SHE: variants seen among roughly 807,000 people sequenced by gnomAD.
SHE encodes SH2 domain-containing adapter protein E.
SHE carries 11 observed loss-of-function variants against 49.8 expected under a neutral mutation model. The observed-to-expected ratio is 0.22, with a 90% CI of 0.14 to 0.37. The LOEUF is 0.37. Among genes scored for constraint, SHE ranks in the 10% least tolerant of loss-of-function variants. SHE has a pLI of 1.00. For synonymous variants in SHE, 310 were observed against 278.1 expected (o/e 1.11, Z -1.14); for missense variants, 624 against 655.5 (o/e 0.95, Z 0.52).
At chr1:154,487,271 A>C in intron 3 of SHE, among the ~76,000 whole-genome samples, 1 of 95,506 alleles carries the variant, frequency 1.0e-5, no homozygotes, top group South Asian at 3.7e-4. Flanking sequence ...ACTCCGTCTC[A>C]AAAAAAAAAA....
At chr1:154,499,349 T>G in intron 1 of SHE, 111 bp from the exon 2 acceptor site, 1 of 1,237,634 alleles carries the variant, frequency 8.1e-7, no homozygotes, top group Non-Finnish European at 1.1e-6. Context: ...TCAAAATCTC[T>G]ATAACCAGTT....
chr1:154,472,005 T>G (rs558641964), intron 1 of SHE, among the ~76,000 whole-genome samples: 1 of 152,192 alleles, frequency 6.6e-6, no homozygotes, highest in African/African-American at 2.4e-5. Context: ...AAACCCCATC[T>G]CTACTCAAAA....
Position 154,481,888 on chromosome 1 carries a change from C to CTCA in SHE, c.*2260_*2261insTGA. ...TTGTTGAGACAGGGTCTCACTCTGTCACTCAGGCTGGAGTGCAATGGTGCG... is the reference window on the plus strand; with the variant it reads ...TTGTTGAGACAGGGTCTCACTCTGTCTCAACTCAGGCTGGAGTGCAATGGTGCG... On this transcript the variant is annotated 3_prime_UTR_variant, in exon 6 of 6. Coordinates refer to ENST00000304760, the MANE Select transcript of SHE (RefSeq NM_001010846.3). 1.3e-6 allele frequency: 1 copy of CTCA among 781,284 alleles called. No individual in the cohort carries two copies. Among genetic ancestry groups the CTCA allele is most frequent in the Non-Finnish European group, 1.6e-6 (1 of 643,892 alleles). 48.4% of individuals were successfully genotyped at this position (781,284 alleles called of 1,614,324 possible).
intron 2 of SHE, among the ~76,000 whole-genome samples, chr1:154,496,763 CA>C (rs892199923): frequency 1.4e-4 from 21 of 148,178 alleles, no homozygotes; most frequent in African/African-American, 4.2e-4. Flanking sequence ...AAAAAAAAAA[CA>C]AAAAAACCCC....
chr1:154,501,933 C>A lies in SHE; in HGVS notation c.94G>T (p.Gly32Cys), dbSNP rs1692788160. The A allele has an allele frequency of 6.7e-7, 1 of 1,486,356 alleles. No individual in the cohort carries two copies. Among genetic ancestry groups the A allele is most frequent in the East Asian group, 2.6e-5 (1 of 38,410 alleles). The allele number at this position is 1,486,356 out of a possible 1,614,324, so 92.1% of individuals were successfully genotyped here. ...STAPTLLGRAGRGPLMAAKWF... is the reference protein window; with the variant it reads ...STAPTLLGRACRGPLMAAKWF... ...TTGGCCGCCATGAGGGGGCCCCGGC[C>A]GGCTCGGCCCAGGAGCGTCGGGGCC... Residue 32 changes from glycine (G) to cysteine (C), a missense_variant, in exon 1 of 6, where the codon GGC becomes TGC. Gly to Cys is a radical substitution (Grantham distance 159). This residue lies in a region of SHE where 337 missense variants were observed against 306.0 expected (regional missense o/e 1.10). Transcript: ENST00000304760.
Position 154,487,486 on chromosome 1 carries a change from G to A in SHE, c.1025-803C>T, listed in dbSNP as rs1449362246. On this transcript the variant is annotated intron_variant, in intron 3 of 5. Transcript: ENST00000304760. The stretch of plus-strand genomic sequence containing the variant: ...GAGATGCCATGACACCTAGGCTGGA[G>A]AGAAGGAGATGAAATGGCAGCACCT... 2.0e-5 allele frequency among the ~76,000 whole-genome samples: 3 copies of A among 152,016 alleles called. No individual in the cohort carries two copies. In the East Asian group the frequency reaches 5.8e-4, roughly 29 times the overall value.
chr1:154,495,614 A>G (rs969832069), intron 2 of SHE, among the ~76,000 whole-genome samples: 8 of 152,050 alleles, frequency 5.3e-5, no homozygotes, highest in African/African-American at 1.7e-4. Context: ...ATGCTTTTCA[A>G]TGACTTATCT....
At chr1:154,487,822 C>G (rs1407043941) in intron 3 of SHE, among the ~76,000 whole-genome samples, 1 of 149,294 alleles carries the variant, frequency 6.7e-6, no homozygotes, top group African/African-American at 2.5e-5. Flanking sequence ...CGCACTCCAG[C>G]CTGGGTGACA....
At chr1:154,478,184 C>T (rs1691929987), downstream of SHE, among the ~76,000 whole-genome samples, 1 of 152,080 alleles carries the variant, frequency 6.6e-6, no homozygotes, top group Non-Finnish European at 1.5e-5. Flanking sequence ...GCACACCCTG[C>T]CCAGTGGCTT....
chr1:154,486,528 G>C lies in SHE; in HGVS notation c.1180C>G (p.Pro394Ala), dbSNP rs751154649. The change falls in exon 4 of 6, where the codon CCC becomes GCC. Residue 394 changes from proline (P) to alanine (A), a missense_variant and splice_region_variant. Physicochemically the swap from Pro to Ala is conservative, Grantham distance 27. Transcript: ENST00000304760. ...CAAGGATCTGAGGAGGAGACTCACG[G>C]CTGCTTCTCCAGGGGCAGGCCCGGG... Reference protein sequence around the residue: ...VDPGLPLEKQPWYHGAISRAE... With the variant: ...VDPGLPLEKQAWYHGAISRAE... The C allele has an allele frequency of 3.7e-6, 6 of 1,613,984 alleles. No homozygotes were observed. The Admixed American group carries it at 1.0e-4, about 27-fold the overall frequency.
In SHE at chr1:154,502,108, C is replaced by A. The variant is rs1367969314; in HGVS notation, c.-82G>T. ...CGCCCCCGGCCGGCCGTCGCCCACG[C>A]CCGGCAGGGTGGGGTTCTCACGGCT... On this transcript the variant is annotated 5_prime_UTR_variant, in exon 1 of 6. Transcript: ENST00000304760. 8.9e-7 allele frequency: 1 copy of A among 1,120,668 alleles called. No homozygotes were observed. The highest frequency in any genetic ancestry group is 1.1e-6 in the Non-Finnish European group (1 of 892,670). 69.4% of individuals were successfully genotyped at this position (1,120,668 alleles called of 1,614,324 possible).
At chr1:154,473,722 T>C (rs58348886) in intron 1 of SHE, among the ~76,000 whole-genome samples, 25,376 of 151,882 alleles carry the variant, frequency 0.17, 2,697 homozygotes, top group South Asian at 0.23. Flanking sequence ...GAGGATCACC[T>C]GAGCCTGGGA....
intron 2 of SHE, among the ~76,000 whole-genome samples, chr1:154,492,239 C>T (rs1692390341): frequency 6.6e-6 from 1 of 152,134 alleles, no homozygotes; most frequent in Non-Finnish European, 1.5e-5. Context: ...CGGGCTTTCA[C>T]ACACACTGCT....
chr1:154,483,795 C>T lies in SHE; in HGVS notation c.*354G>A. The stretch of plus-strand genomic sequence containing the variant: ...TCATTTGAGGTCAGGAGTTTGAGAC[C>T]AGCCTGACGAAGACGGCGAAACCCC... On this transcript the variant is annotated 3_prime_UTR_variant, in exon 6 of 6. Transcript: ENST00000304760. The T allele has an allele frequency of 1.1e-6, 1 of 934,506 alleles. No homozygotes were observed. 57.9% of individuals were successfully genotyped at this position (934,506 alleles called of 1,614,324 possible). A position where few individuals can be genotyped will look rare whatever the true frequency, so the allele number is the denominator to read the frequency against.
Position 154,481,541 on chromosome 1 carries a change from G to C in SHE, c.*2608C>G. The C allele has an allele frequency of 7.1e-6, 7 of 985,354 alleles. No homozygotes were observed. The highest frequency in any genetic ancestry group is 8.4e-6 in the Non-Finnish European group (7 of 829,920). The allele number at this position is 985,354 out of a possible 1,614,324, so 61.0% of individuals were successfully genotyped here. The stretch of plus-strand genomic sequence containing the variant: ...GTTATTTCATTATACATTCATCACA[G>C]TTGCTGGGTATGGGCCAAAAATCAT... On this transcript the variant is annotated 3_prime_UTR_variant, in exon 6 of 6. Transcript: ENST00000304760.
chr1:154,485,110 G>A (rs1312965269), intron 5 of SHE: 4 of 151,804 alleles, frequency 2.6e-5, no homozygotes, highest in East Asian at 1.9e-4. Context: ...TCCTCCCCTC[G>A]CATCTGGAAA....
At chr1:154,473,434 C>T (rs1263501614) in intron 1 of SHE, among the ~76,000 whole-genome samples, 1 of 151,790 alleles carries the variant, frequency 6.6e-6, no homozygotes, top group Non-Finnish European at 1.5e-5. Context: ...GTGATAGTAC[C>T]ACTGTACTCC....
intron 3 of SHE, 83 bp downstream of exon 3, chr1:154,488,968 C>A (rs1692272301): frequency 1.4e-6 from 2 of 1,475,294 alleles, no homozygotes; most frequent in South Asian, 2.8e-5. Context: ...AAGGTACCCA[C>A]AAGGAAAAAA....
chr1:154,493,058 G>A (rs950519573), intron 2 of SHE, among the ~76,000 whole-genome samples: 1 of 152,144 alleles, frequency 6.6e-6, no homozygotes, highest in Non-Finnish European at 1.5e-5. Flanking sequence ...TATTACACAC[G>A]CGTTTGAGTT....
Sources: gnomAD v4.1 joint callset for allele counts (sites outside exome capture counted in the v4.1 genomes callset) on GRCh38, gnomAD v4.1.1 for gene constraint, gnomAD v4.1.1 regional missense constraint, MANE v1.5 for transcripts, NCBI Gene and HGNC (gene_info 2026-07-23, HGNC 2026-07-21) for gene names.